ZNF385B: variants seen among roughly 807,000 people sequenced by gnomAD.
ZNF385B encodes zinc finger protein 385B.
ZNF385B carries 23 observed loss-of-function variants against 39.2 expected under a neutral mutation model. The observed-to-expected ratio is 0.59, with a 90% confidence interval of 0.42 to 0.83. The LOEUF (loss-of-function observed/expected upper bound fraction) is 0.83. ZNF385B is among the 40% of genes least tolerant of loss of function. The probability of loss-of-function intolerance (pLI) is 0.00; values close to 1 mark genes in which losing one functional copy is unlikely to be tolerated. For missense variants in ZNF385B, 552 were observed against 598.9 expected, an observed-to-expected ratio of 0.92 and a Z score of 0.82; for synonymous variants, 205 against 222.6, an observed-to-expected ratio of 0.92 and a Z score of 0.70.
chr2:179,772,818 G>A (rs925324889), intron 1 of ZNF385B, among the ~76,000 whole-genome samples: 10 of 152,344 alleles, frequency 6.6e-5, no homozygotes, highest in Admixed American at 4.6e-4. Context: ...TTTAAACAGA[G>A]CAGTGGGCAG....
At chr2:179,657,797 T>G (rs1166687954) in intron 3 of ZNF385B, among the ~76,000 whole-genome samples, 1 of 152,218 alleles carries the variant, frequency 6.6e-6, no homozygotes, top group Non-Finnish European at 1.5e-5. Context: ...TTATAAATAT[T>G]ACCTATTTAA....
intron 3 of ZNF385B, among the ~76,000 whole-genome samples, chr2:179,680,824 C>A (rs1016595907): frequency 6.6e-6 from 1 of 151,956 alleles, no homozygotes; most frequent in African/African-American, 2.4e-5. Flanking sequence ...AAACAGTTCA[C>A]AAATTATCAG....
At chr2:179,813,750 T>A (rs1223370747) in intron 1 of ZNF385B, among the ~76,000 whole-genome samples, 1 of 152,204 alleles carries the variant, frequency 6.6e-6, no homozygotes, top group East Asian at 1.9e-4. Flanking sequence ...GAGAAAGGCA[T>A]TCTTACACTT....
At chr2:179,478,190 G>T (rs956845042) in intron 6 of ZNF385B, among the ~76,000 whole-genome samples, 17 of 152,128 alleles carry the variant, frequency 1.1e-4, no homozygotes, top group Non-Finnish European at 1.9e-4. Flanking sequence ...CTATAGTTTT[G>T]GGAGCAGCTT....
At chr2:179,839,373 A>G (rs1315096838) in intron 1 of ZNF385B, among the ~76,000 whole-genome samples, 2 of 152,178 alleles carry the variant, frequency 1.3e-5, no homozygotes, top group Non-Finnish European at 2.9e-5. Flanking sequence ...TTATTAGTCA[A>G]TGGATCACAA....
chr2:179,660,592 G>A (rs1694348932), intron 3 of ZNF385B, among the ~76,000 whole-genome samples: 1 of 151,942 alleles, frequency 6.6e-6, no homozygotes, highest in African/African-American at 2.4e-5. Context: ...TCTCACCAAT[G>A]ATAAGAAAAT....
intron 3 of ZNF385B, among the ~76,000 whole-genome samples, chr2:179,639,945 G>C (rs3112939): frequency 0.13 from 19,761 of 152,172 alleles, 2,111 homozygotes; most frequent in African/African-American, 0.29. Flanking sequence ...AATGACACTG[G>C]GAAGGACACA....
At chr2:179,512,509 T>TA (rs1437960829) in intron 5 of ZNF385B, among the ~76,000 whole-genome samples, 1 of 152,214 alleles carries the variant, frequency 6.6e-6, no homozygotes, top group Non-Finnish European at 1.5e-5. Flanking sequence ...TTCTGAAGTG[T>TA]ATGTTAGCTC....
intron 3 of ZNF385B, among the ~76,000 whole-genome samples, chr2:179,693,612 G>GT (rs1288963388): frequency 6.6e-6 from 1 of 151,818 alleles, no homozygotes; most frequent in Admixed American, 6.6e-5. Context: ...CATTGGCTAC[G>GT]TTTTTTTGAC....
rs34449760 is a variant in ZNF385B at position 179,714,942 on chromosome 2, C to CAAAAAAAAAAAAAAAAAAAAA, written c.298+54560_298+54561insTTTTTTTTTTTTTTTTTTTTT. On this transcript the variant is annotated intron_variant, in intron 3 of 9. Coordinates refer to ENST00000410066, the MANE Select transcript of ZNF385B (RefSeq NM_152520.6). ...TGGGTAACAAAGCGAGATTCTATCT[C>CAAAAAAAAAAAAAAAAAAAAA]AAAAAAAAAAAAAAAAAAACAGTTT... Among the ~76,000 whole-genome samples the CAAAAAAAAAAAAAAAAAAAAA allele has an allele frequency of 9.9e-3, 784 of 79,204 alleles. 77 individuals carry two copies. The highest frequency in any genetic ancestry group is 0.052 in the East Asian group (65 of 1,250). The allele number at this position is 79,204 out of a possible 152,430, so 52.0% of individuals were successfully genotyped here.
intron 3 of ZNF385B, among the ~76,000 whole-genome samples, chr2:179,628,355 C>T (rs1040335248): frequency 6.6e-6 from 1 of 152,108 alleles, no homozygotes; most frequent in African/African-American, 2.4e-5. Flanking sequence ...AGTCCTCCCC[C>T]TTTTTTATCT....
At chr2:179,726,667 C>T (rs1701041207) in intron 3 of ZNF385B, among the ~76,000 whole-genome samples, 1 of 152,000 alleles carries the variant, frequency 6.6e-6, no homozygotes, top group Non-Finnish European at 1.5e-5. Flanking sequence ...TTCACATTGA[C>T]AAAGTCCAAT....
intron 6 of ZNF385B, among the ~76,000 whole-genome samples, chr2:179,462,455 T>A (rs967501740): frequency 3.9e-5 from 6 of 152,174 alleles, no homozygotes; most frequent in Non-Finnish European, 8.8e-5. Context: ...TGCAGGAGAC[T>A]TAAGCCTTTG....
rs911353398 is a variant in ZNF385B at position 179,549,877 on chromosome 2, A to G, written c.299-4908T>C. ...GAACCAGCCAAAAGTATAGATTGAG[A>G]GTAATTTTTTTTTTTCTGATGCTCA... On this transcript the variant is annotated intron_variant, in intron 3 of 9. Coordinates refer to ENST00000410066, the MANE Select transcript of ZNF385B (RefSeq NM_152520.6). Among the ~76,000 whole-genome samples the G allele has an allele frequency of 6.1e-5, 9 of 148,706 alleles. 1 individual carries two copies. The highest frequency in any genetic ancestry group is 1.2e-4 in the Non-Finnish European group (8 of 67,492).
chr2:179,734,484 A>C (rs1241787000), intron 3 of ZNF385B, among the ~76,000 whole-genome samples: 1 of 152,216 alleles, frequency 6.6e-6, no homozygotes, highest in Admixed American at 6.5e-5. Context: ...TCTGACAGGT[A>C]AGTAAAATAG....
chr2:179,831,541 T>G (rs992750955), intron 1 of ZNF385B, among the ~76,000 whole-genome samples: 3 of 152,184 alleles, frequency 2.0e-5, no homozygotes, highest in Non-Finnish European at 4.4e-5. Flanking sequence ...TAAGATTTTT[T>G]GTTTTTAAAA....
chr2:179,726,671 G>A (rs1701041601), intron 3 of ZNF385B, among the ~76,000 whole-genome samples: 1 of 151,976 alleles, frequency 6.6e-6, no homozygotes, highest in African/African-American at 2.4e-5. Context: ...CATTGACAAA[G>A]TCCAATATCA....
chr2:179,854,129 C>G (rs1684395044), intron 1 of ZNF385B, among the ~76,000 whole-genome samples: 1 of 152,038 alleles, frequency 6.6e-6, no homozygotes, highest in Non-Finnish European at 1.5e-5. Flanking sequence ...TGCTCTTATT[C>G]TAAGCATTAG....
At position 179,769,605 on chromosome 2, in the gene ZNF385B, C is replaced by T. The variant is rs2106503753; in HGVS notation, c.196G>A (p.Val66Met). The stretch of plus-strand genomic sequence containing the variant: ...CGGTGGGATTTGCCGTTGGAATGCA[C>T]CTGAGCCTGGGCTGCAGAGTTCAGC... ...IQLNSAAQAQ[V>M]HSNGKSHRKR... Residue 66 changes from valine (V) to methionine (M), a missense_variant, in exon 3 of 10, where the codon GTG (valine) becomes ATG (methionine). Physicochemically the swap from Val to Met is conservative, Grantham distance 21 (BLOSUM62 1). Coordinates refer to ENST00000410066, the MANE Select transcript of ZNF385B (RefSeq NM_152520.6). 6.2e-7 allele frequency: 1 copy of T among 1,614,162 alleles called. No homozygotes were observed. Among genetic ancestry groups the T allele is most frequent in the South Asian group, 1.1e-5 (1 of 91,084 alleles).
Sources: allele counts gnomAD v4.1 joint callset (sites outside exome capture counted in the v4.1 genomes callset), GRCh38; gene constraint gnomAD v4.1.1; transcripts MANE v1.5; gene names NCBI Gene and HGNC (gene_info 2026-07-23, HGNC 2026-07-21).